Variants in SPEG observed in about 807,000 individuals in gnomAD.
SPEG encodes the protein striated muscle preferentially expressed protein kinase.
A neutral mutation model predicts 300.4 loss-of-function variants in SPEG; 114 were observed. The ratio of observed to expected loss-of-function variants is 0.38; its 90% confidence interval spans 0.33 to 0.44. The LOEUF (loss-of-function observed/expected upper bound fraction) is 0.44. Ranked by LOEUF, SPEG falls within the 20% of genes least tolerant of loss-of-function variation. SPEG has a pLI of 1.00. For missense variants in SPEG, 4,201 were observed against 4,586.2 expected (o/e 0.92, Z 2.43); for synonymous variants, 1,964 against 2,018.9 (o/e 0.97, Z 0.73).
At chr2:219,449,352 G>C in intron 4 of SPEG, 81 bp downstream of exon 4, 1 of 1,176,564 alleles carries the variant, frequency 8.5e-7, no homozygotes, top group Admixed American at 4.1e-5. Flanking sequence ...CTCAGCAGGA[G>C]CCGGGGGGTC....
chr2:219,472,482 T>C (rs1271667855), intron 15 of SPEG, 151 bp downstream of exon 15: 2 of 667,882 alleles, frequency 3.0e-6, no homozygotes, highest in Admixed American at 5.4e-5. Flanking sequence ...CCGTCTTCTC[T>C]CCACGTTGCA....
Position 219,481,725 on chromosome 2 carries a change from G to C in SPEG, c.5565+45G>C. Reference sequence around the variant, plus strand: ...TGGTGGCACAAAAGGTGGAGGGAGAGAGAATGTTACTAACAGCTCTATTTA... The same window carrying C: ...TGGTGGCACAAAAGGTGGAGGGAGACAGAATGTTACTAACAGCTCTATTTA... On this transcript the variant is annotated intron_variant, in intron 28 of 40. Transcript: ENST00000312358. The surrounding 1 kb of genome is among the most constrained non-coding windows in gnomAD (Gnocchi z 5.4). 1 of 1,573,328 alleles carries C rather than the reference G, an allele frequency of 6.4e-7. No individual in the cohort carries two copies. The highest frequency in any genetic ancestry group is 1.1e-5 in the South Asian group (1 of 90,078).
At position 219,445,289 on chromosome 2, in the gene SPEG, C is replaced by G. The variant is rs1689198071; in HGVS notation, c.815+128C>G. On this transcript the variant is annotated intron_variant, in intron 3 of 40. Transcript: ENST00000312358. The surrounding 1 kb of genome is among the most constrained non-coding windows in gnomAD (Gnocchi z 6.1). ...CATCTCTCTGTGCATTTCTTCACCC[C>G]CTGCTGCCACTCCATCTTCCCACAC... The G allele has an allele frequency of 1.1e-6, 1 of 895,950 alleles. No individual in the cohort carries two copies. Among genetic ancestry groups the G allele is most frequent in the Non-Finnish European group, 1.8e-6 (1 of 569,186 alleles). The allele number at this position is 895,950 out of a possible 1,614,324, so 55.5% of individuals were successfully genotyped here.
At chr2:219,441,620 G>A in intron 1 of SPEG, 1 of 469,810 alleles carries the variant, frequency 2.1e-6, no homozygotes, top group Non-Finnish European at 4.4e-6. Context: ...GGCTGCGCTG[G>A]GCTGCCAGAA....
intron 9 of SPEG, chr2:219,465,595 G>T: frequency 4.8e-6 from 1 of 208,948 alleles, no homozygotes; most frequent in Non-Finnish European, 9.6e-6. Flanking sequence ...GACACCCCCA[G>T]GCTTTGGGGT....
At chr2:219,469,125 T>C (rs1304360938) in intron 12 of SPEG, 31 bp from the exon 13 acceptor site, 15 of 1,612,244 alleles carry the variant, frequency 9.3e-6, no homozygotes, top group African/African-American at 1.3e-5. Flanking sequence ...GGCACGGCCC[T>C]GGGCCTGTGG....
At chr2:219,449,343 T>C in intron 4 of SPEG, 72 bp downstream of exon 4, 1 of 1,202,306 alleles carries the variant, frequency 8.3e-7, no homozygotes, top group South Asian at 2.5e-5. Flanking sequence ...GCAAGACTGC[T>C]CAGCAGGAGC....
Position 219,477,069 on chromosome 2 carries a change from G to A in SPEG, c.4560+87G>A. ...GGGTCCTGGAAGGCCTTAGGAGGGCGGAGCCCGGGCAGAGGCGTGGTTAGG... is the reference window on the plus strand; with the variant it reads ...GGGTCCTGGAAGGCCTTAGGAGGGCAGAGCCCGGGCAGAGGCGTGGTTAGG... On this transcript the variant is annotated intron_variant, in intron 19 of 40. Transcript: ENST00000312358. This position sits in a 1 kb window ranked among gnomAD's most constrained non-coding sequence, Gnocchi z 6.4. 3 of 1,248,694 alleles carry A rather than the reference G, an allele frequency of 2.4e-6. No homozygotes were observed. The highest frequency in any genetic ancestry group is 2.4e-5 in the East Asian group (1 of 42,472). The allele number at this position is 1,248,694 out of a possible 1,614,324, so 77.4% of individuals were successfully genotyped here.
chr2:219,481,686 T>A lies in SPEG; in HGVS notation c.5565+6T>A. The A allele has an allele frequency of 6.2e-7, 1 of 1,613,892 alleles. No individual in the cohort carries two copies. The highest frequency in any genetic ancestry group is 8.5e-7 in the Non-Finnish European group (1 of 1,179,784). On this transcript the variant is annotated splice_donor_region_variant and intron_variant, in intron 28 of 40. Transcript: ENST00000312358. The surrounding 1 kb of genome is among the most constrained non-coding windows in gnomAD (Gnocchi z 5.4). ...TAGAACATCCTTGGTTCAAAGTGAG[T>A]CTAGTCTGCAAAGTGGTGGCACAAA...
rs2125288085 is a variant in SPEG at position 219,449,157 on chromosome 2, G to A, written c.1999G>A (p.Glu667Lys). ...GAAGAACAGGGCGGGGCCTGAGGCAGAGAAGAGGCTTCGCAGAGGGCCGGA... is the reference window on the plus strand; with the variant it reads ...GAAGAACAGGGCGGGGCCTGAGGCAAAGAAGAGGCTTCGCAGAGGGCCGGA... Reference protein sequence around the residue: ...LEKNRAGPEAEKRLRRGPEED... With the variant: ...LEKNRAGPEAKKRLRRGPEED... Residue 667 changes from glutamate (E) to lysine (K), a missense_variant, in exon 4 of 41, where the codon GAG (glutamate) becomes AAG (lysine). By Grantham distance (56) the Glu-to-Lys change is moderately conservative (BLOSUM62 1). Coordinates refer to ENST00000312358, the MANE Select transcript of SPEG (RefSeq NM_005876.5). 2.1e-6 allele frequency: 3 copies of A among 1,420,862 alleles called. No homozygotes were observed. The African/African-American group carries it at 4.5e-5, about 22-fold the overall frequency. The allele number at this position is 1,420,862 out of a possible 1,614,324, so 88.0% of individuals were successfully genotyped here. A position where few individuals can be genotyped will look rare whatever the true frequency, so the allele number is the denominator to read the frequency against.
intron 40 of SPEG, 37 bp downstream of exon 40, chr2:219,492,297 C>A (rs764850022): frequency 2.5e-6 from 4 of 1,595,780 alleles, no homozygotes; most frequent in South Asian, 1.1e-5. Context: ...CCCAGTGTTA[C>A]CTGCCCCTGG....
chr2:219,468,660 G>A lies in SPEG; in HGVS notation c.3225G>A (p.Val1075=). ...CACGGCTGCTGGAAGATGTGGAGGT[G>A]TTGGAGGGCCGAGCTGCCCGTTTCG... ...LFTRLLEDVE[V]LEGRAARFDC... Residue 1075 remains valine, a synonymous_variant, in exon 11 of 41, where the codon GTG becomes GTA. Transcript: ENST00000312358. 1.2e-6 allele frequency: 2 copies of A among 1,614,126 alleles called. No individual in the cohort carries two copies. The highest frequency in any genetic ancestry group is 1.7e-5 in the Admixed American group (1 of 60,026).
At position 219,445,220 on chromosome 2, in the gene SPEG, G is replaced by A. The variant is rs1689193124; in HGVS notation, c.815+59G>A. On this transcript the variant is annotated intron_variant, in intron 3 of 40. Transcript: ENST00000312358. This position sits in a 1 kb window ranked among gnomAD's most constrained non-coding sequence, Gnocchi z 6.1. ...CCATCTCACCACGCTGTCCTGCGCTGCCCTCACTGCTCAGTCAGCCTCCAC... is the reference window on the plus strand; with the variant it reads ...CCATCTCACCACGCTGTCCTGCGCTACCCTCACTGCTCAGTCAGCCTCCAC... 8.3e-6 allele frequency: 12 copies of A among 1,450,786 alleles called. No homozygotes were observed. The East Asian group carries it at 3.0e-4, about 36-fold the overall frequency. 89.9% of individuals were successfully genotyped at this position (1,450,786 alleles called of 1,614,324 possible). A position where few individuals can be genotyped will look rare whatever the true frequency, so the allele number is the denominator to read the frequency against.
Position 219,490,749 on chromosome 2 carries a change from G to A in SPEG, c.9178G>A (p.Asp3060Asn), listed in dbSNP as rs1693899260. 6.2e-7 allele frequency: 1 copy of A among 1,613,986 alleles called. No homozygotes were observed. Among genetic ancestry groups the A allele is most frequent in the Non-Finnish European group, 8.5e-7 (1 of 1,180,024 alleles). The change falls in exon 38 of 41, where the codon GAT (aspartate) becomes AAT (asparagine). Residue 3060 changes from aspartate to asparagine, a missense_variant. Coordinates refer to ENST00000312358, the MANE Select transcript of SPEG (RefSeq NM_005876.5). ...CCCTCCCAGGTTCCGGTATTCTGAG[G>A]ATGACGTGGCCACTTACATGGTGCA... The part of the protein sequence containing the change: ...GLSDRFRYSE[D>N]DVATYMVQLL...
In SPEG at chr2:219,486,413, C is replaced by T. The variant is rs565862103; in HGVS notation, c.7741+936C>T. Among the ~76,000 whole-genome samples the T allele has an allele frequency of 3.3e-5, 5 of 152,226 alleles. No homozygotes were observed. In the East Asian group the frequency reaches 5.8e-4, roughly 18 times the overall value. ...GTAAAACTCAGAATAGAGTGGCTGT[C>T]GAGTCTTGCCTCAGCTGGGCTTATA... On this transcript the variant is annotated intron_variant, in intron 31 of 40. Coordinates refer to ENST00000312358, the MANE Select transcript of SPEG (RefSeq NM_005876.5).
chr2:219,476,452 T>G (rs1167577660), intron 18 of SPEG, among the ~76,000 whole-genome samples: 1 of 152,120 alleles, frequency 6.6e-6, no homozygotes, highest in Non-Finnish European at 1.5e-5. Flanking sequence ...GGGGGCAGCA[T>G]TGGGCCACTC....
At position 219,480,562 on chromosome 2, in the gene SPEG, A is replaced by G. The variant is rs1188909844; in HGVS notation, c.5343-109A>G. 32 of 1,111,292 alleles carry G rather than the reference A, an allele frequency of 2.9e-5. No individual in the cohort carries two copies. The East Asian group carries it at 6.3e-4, about 22-fold the overall frequency. 68.8% of individuals were successfully genotyped at this position (1,111,292 alleles called of 1,614,324 possible). A position where few individuals can be genotyped will look rare whatever the true frequency, so the allele number is the denominator to read the frequency against. ...CACTCCTGTGCCCATTGTCCATGGC[A>G]GTGTTCCCAGGGAGGTAACAGCTCA... On this transcript the variant is annotated intron_variant, in intron 25 of 40. Transcript: ENST00000312358. This position sits in a 1 kb window ranked among gnomAD's most constrained non-coding sequence, Gnocchi z 5.3.
At position 219,492,954 on chromosome 2, in the gene SPEG, G is replaced by A; in HGVS notation, c.*168G>A. On this transcript the variant is annotated 3_prime_UTR_variant, in exon 41 of 41. Transcript: ENST00000312358. ...AGACCTTCAAGGACAGAGACCCCAG[G>A]GCCTGGACCTGATGCCACCCCAGGC... The A allele has an allele frequency of 1.2e-6, 1 of 805,070 alleles. No homozygotes were observed. Among genetic ancestry groups the A allele is most frequent in the South Asian group, 1.5e-5 (1 of 68,890 alleles). 49.9% of individuals were successfully genotyped at this position (805,070 alleles called of 1,614,324 possible).
chr2:219,460,818 C>T lies in SPEG; in HGVS notation c.2441-1064C>T, dbSNP rs538222224. ...CCTTCCCCTCCCCCAGGGCCTTCTC[C>T]GTGCAGGGCCTCAGCTGGGTCAGCC... On this transcript the variant is annotated intron_variant, in intron 6 of 40. Coordinates refer to ENST00000312358, the MANE Select transcript of SPEG (RefSeq NM_005876.5). 1.4e-3 allele frequency: 1,368 copies of T among 986,064 alleles called. 8 individuals are homozygous for T. The African/African-American group carries it at 0.017, about 12-fold the overall frequency. The allele number at this position is 986,064 out of a possible 1,614,324, so 61.1% of individuals were successfully genotyped here. A position where few individuals can be genotyped will look rare whatever the true frequency, so the allele number is the denominator to read the frequency against.
Sources: gnomAD v4.1 joint callset for allele counts (sites outside exome capture counted in the v4.1 genomes callset) on GRCh38, gnomAD v4.1.1 for gene constraint, Gnocchi (gnomAD v3.1) non-coding constraint, MANE v1.5 for transcripts, NCBI Gene and HGNC (gene_info 2026-07-23, HGNC 2026-07-21) for gene names.